The following KREMEN1 variants were observed in gnomAD, a reference collection of about 807,000 sequenced individuals.
The protein encoded by KREMEN1 is kremen protein 1.
In KREMEN1, 30 loss-of-function variants were observed where a neutral mutation model predicts 46.5. The observed-to-expected ratio is 0.65, with a 90% CI of 0.48 to 0.88. The LOEUF is 0.88. KREMEN1 is among the 40% of genes least tolerant of loss of function. The pLI, the probability that KREMEN1 is intolerant of heterozygous loss-of-function variation, is 0.00. For missense variants in KREMEN1, 533 were observed against 596.9 expected (o/e 0.89, Z 1.11); for synonymous variants, 214 against 230.6 (o/e 0.93, Z 0.65).
rs748273196 is a variant in KREMEN1, at chr22:29,094,384, A to G, written c.224A>G (p.Asn75Ser). ...CCATACAACACTCTGAAATACCCCA[A>G]CGGGGAGGGGGGCCTGGGTGAGCAC... ...QHPYNTLKYP[N>S]GEGGLGEHNY... Residue 75 changes from asparagine to serine, a missense_variant, in exon 2 of 9, where the codon AAC (asparagine) becomes AGC (serine). Transcript: ENST00000400335. The G allele has an allele frequency of 7.4e-6, 12 of 1,613,290 alleles. No individual in the cohort carries two copies. In the East Asian group the frequency reaches 2.7e-4, roughly 36 times the overall value.
rs1008762631 is a variant in KREMEN1, at chr22:29,145,810, C to A, written c.*3698C>A. On this transcript the variant is annotated 3_prime_UTR_variant, in exon 9 of 9. Transcript: ENST00000400335. The stretch of plus-strand genomic sequence containing the variant: ...GTGGGCTCTGGCTCAAGACTCCAAT[C>A]GGCCAGAAGCCCACAGAGATCAAAG... 3 of 985,406 alleles carry A rather than the reference C, an allele frequency of 3.0e-6. No homozygotes were observed. The highest frequency in any genetic ancestry group is 3.6e-6 in the Non-Finnish European group (3 of 829,974). The allele number at this position is 985,406 out of a possible 1,614,324, so 61.0% of individuals were successfully genotyped here.
In KREMEN1 at chr22:29,165,977, A is replaced by G. The variant is rs189266056; in HGVS notation, c.1417-1067A>G. ...CCCAAGATGAGGGCTGCCATTCAGA[A>G]TGGGTCAGGTTCCAGGACAGTGACT... On this transcript the variant is annotated intron_variant, in intron 9 of 9. Coordinates refer to the KREMEN1 transcript ENST00000327813. Among the ~76,000 whole-genome samples the G allele has an allele frequency of 1.9e-3, 285 of 152,316 alleles. 1 individual carries two copies. Among genetic ancestry groups the G allele is most frequent in the African/African-American group, 6.4e-3 (268 of 41,566 alleles).
chr22:29,100,043 A>C (rs2037950419), intron 3 of KREMEN1, among the ~76,000 whole-genome samples: 1 of 145,252 alleles, frequency 6.9e-6, no homozygotes, highest in Non-Finnish European at 1.5e-5. Flanking sequence ...TTCTTTTTCT[A>C]CTCTTCTTTC....
chr22:29,134,537 T>C (rs1035657304), intron 5 of KREMEN1, among the ~76,000 whole-genome samples: 1 of 152,130 alleles, frequency 6.6e-6, no homozygotes, highest in African/African-American at 2.4e-5. Flanking sequence ...AGTCTAGTTC[T>C]GTAGATTGTT....
At chr22:29,105,692 A>AG (rs2038049369) in intron 3 of KREMEN1, among the ~76,000 whole-genome samples, 1 of 152,140 alleles carries the variant, frequency 6.6e-6, no homozygotes, top group Admixed American at 6.5e-5. Flanking sequence ...TGAGTGTCTG[A>AG]GGGAGGCATT....
At chr22:29,088,282 C>T (rs1051344221) in intron 1 of KREMEN1, among the ~76,000 whole-genome samples, 9 of 146,894 alleles carry the variant, frequency 6.1e-5, no homozygotes, top group South Asian at 2.2e-4. Context: ...ACCAGAATAA[C>T]GTGCGCACGC....
At chr22:29,085,890 G>A (rs134632) in intron 1 of KREMEN1, among the ~76,000 whole-genome samples, 96,350 of 151,472 alleles carry the variant, frequency 0.64, 30,844 homozygotes, top group Middle Eastern at 0.77. Flanking sequence ...AGGATCACTT[G>A]AGCCCAGGAG....
At chr22:29,140,407 G>A (rs1346485146) in intron 8 of KREMEN1, 41 bp downstream of exon 8, 4 of 1,410,702 alleles carry the variant, frequency 2.8e-6, no homozygotes, top group Non-Finnish European at 4.0e-6. Flanking sequence ...GGAAAGGGAA[G>A]GCTCAGAGTT....
intron 2 of KREMEN1, among the ~76,000 whole-genome samples, chr22:29,098,572 A>G (rs2037920110): frequency 6.6e-6 from 1 of 152,210 alleles, no homozygotes; most frequent in African/African-American, 2.4e-5. Context: ...GCTATTTGGC[A>G]TGATGTGTGC....
intron 5 of KREMEN1, among the ~76,000 whole-genome samples, chr22:29,126,044 C>T (rs1427074718): frequency 6.6e-6 from 1 of 151,588 alleles, no homozygotes; most frequent in Non-Finnish European, 1.5e-5. Context: ...CCAGCATCCT[C>T]TCAGTGGCAG....
intron 3 of KREMEN1, among the ~76,000 whole-genome samples, chr22:29,120,609 A>C (rs117075180): frequency 8.1e-5 from 4 of 49,332 alleles, no homozygotes; most frequent in Admixed American, 2.5e-4. Flanking sequence ...AGGAGAAGTG[A>C]TGAAGGAAAC....
rs567408419 is a variant in KREMEN1, at chr22:29,146,268, G to A, written c.*4156G>A. 363 of 985,918 alleles carry A rather than the reference G, an allele frequency of 3.7e-4. No homozygotes were observed. In the African/African-American group the frequency reaches 5.9e-3, roughly 16 times the overall value. The allele number at this position is 985,918 out of a possible 1,614,324, so 61.1% of individuals were successfully genotyped here. A position where few individuals can be genotyped will look rare whatever the true frequency, so the allele number is the denominator to read the frequency against. Reference sequence around the variant, plus strand: ...GGCCAGGTCTCAGCTTAGCTTCCCTGGTGTGGGGTGTTTTTCAAGCCTTCC... The same window carrying A: ...GGCCAGGTCTCAGCTTAGCTTCCCTAGTGTGGGGTGTTTTTCAAGCCTTCC... On this transcript the variant is annotated 3_prime_UTR_variant, in exon 9 of 9. Transcript: ENST00000400335.
chr22:29,154,185 A>G (rs147901645), intron 9 of KREMEN1, among the ~76,000 whole-genome samples: 9 of 152,264 alleles, frequency 5.9e-5, no homozygotes, highest in Admixed American at 1.3e-4. Flanking sequence ...AACCCTATTT[A>G]TCAAACTCCA....
chr22:29,166,670 A>C (rs375167677), intron 9 of KREMEN1, among the ~76,000 whole-genome samples: 5 of 152,272 alleles, frequency 3.3e-5, no homozygotes, highest in Admixed American at 6.5e-5. Flanking sequence ...CAGGCGCGGT[A>C]GCTCACACCT....
At position 29,140,671 on chromosome 22, in the gene KREMEN1, C is replaced by T. The variant is rs562305915; in HGVS notation, c.1208+305C>T. Reference sequence around the variant, plus strand: ...CTAGTCCCTTACGGAGATCTTTATGCAAGACTGAAGATAGCTAGGACGATG... The same window carrying T: ...CTAGTCCCTTACGGAGATCTTTATGTAAGACTGAAGATAGCTAGGACGATG... On this transcript the variant is annotated intron_variant, in intron 8 of 8. Coordinates refer to ENST00000400335, the MANE Select transcript of KREMEN1 (RefSeq NM_001039570.3). 5.3e-5 allele frequency among the ~76,000 whole-genome samples: 8 copies of T among 152,344 alleles called. No homozygotes were observed. In the South Asian group the frequency reaches 1.7e-3, roughly 32 times the overall value.
intron 2 of KREMEN1, among the ~76,000 whole-genome samples, chr22:29,097,904 G>A (rs2037906337): frequency 1.3e-5 from 2 of 152,120 alleles, no homozygotes; most frequent in South Asian, 4.1e-4. Flanking sequence ...TAATAAGGCT[G>A]GGCACGGTGG....
intron 1 of KREMEN1, among the ~76,000 whole-genome samples, chr22:29,082,960 C>G (rs2037678360): frequency 6.6e-6 from 1 of 152,116 alleles, no homozygotes; most frequent in Non-Finnish European, 1.5e-5. Flanking sequence ...TTTTTTGAGA[C>G]AAGGTCTCAC....
chr22:29,167,072 T>C (rs2039058816), exon 10 of KREMEN1: 2 of 1,551,672 alleles, frequency 1.3e-6, no homozygotes, highest in Non-Finnish European at 1.7e-6. Flanking sequence ...GTGACATCAC[T>C]CATCTGGTCT....
Position 29,073,036 on chromosome 22 carries a change from C to T in KREMEN1, c.-95C>T, listed in dbSNP as rs1013037700. The T allele has an allele frequency of 9.7e-6, 2 of 206,376 alleles. No homozygotes were observed. The highest frequency in any genetic ancestry group is 4.8e-5 in the African/African-American group (2 of 41,876). The allele number at this position is 206,376 out of a possible 1,614,324, so 12.8% of individuals were successfully genotyped here. A position where few individuals can be genotyped will look rare whatever the true frequency, so the allele number is the denominator to read the frequency against. ...GCCGGGCGGCCGGGGCGGGGCTACA[C>T]TCGGGCCCCGCGTCCTGCTCCCATG... On this transcript the variant is annotated 5_prime_UTR_variant, in exon 1 of 9. Coordinates refer to ENST00000400335, the MANE Select transcript of KREMEN1 (RefSeq NM_001039570.3). This position sits in a 1 kb window ranked among gnomAD's most constrained non-coding sequence, Gnocchi z 4.4.
Sources: gnomAD v4.1 joint callset for allele counts (sites outside exome capture counted in the v4.1 genomes callset) on GRCh38, gnomAD v4.1.1 for gene constraint, Gnocchi (gnomAD v3.1) non-coding constraint, MANE v1.5 for transcripts, NCBI Gene and HGNC (gene_info 2026-07-23, HGNC 2026-07-21) for gene names.